The following ME1 variants were observed in gnomAD, a reference collection of about 807,000 sequenced individuals.
The protein encoded by ME1 is NADP-dependent malic enzyme.
Under a neutral mutation model 66.4 loss-of-function variants are expected in ME1, and 74 were observed. The observed-to-expected ratio is 1.11, with a 90% confidence interval of 0.92 to 1.35. ME1 has a LOEUF of 1.35. ME1 is among the 40% of genes most tolerant of loss of function. The probability of loss-of-function intolerance (pLI) is 0.00; values close to 1 mark genes in which losing one functional copy is unlikely to be tolerated. For synonymous variants in ME1, 251 were observed against 235.6 expected, an observed-to-expected ratio of 1.07 and a Z score of -0.60; for missense variants, 750 against 694.1, an observed-to-expected ratio of 1.08 and a Z score of -0.90.
chr6:83,223,629 T>G (rs756341489), intron 12 of ME1, 131 bp downstream of exon 12: 2 of 803,418 alleles, frequency 2.5e-6, no homozygotes, highest in Non-Finnish European at 3.9e-6. Flanking sequence ...TATACTCCAC[T>G]GGGAAGTTCT....
At chr6:83,352,796 C>T (rs1768826683) in intron 3 of ME1, among the ~76,000 whole-genome samples, 1 of 152,080 alleles carries the variant, frequency 6.6e-6, no homozygotes, top group Non-Finnish European at 1.5e-5. Flanking sequence ...ATGTAAATGC[C>T]TTATCCTCAT....
intron 6 of ME1, among the ~76,000 whole-genome samples, chr6:83,306,778 G>GA (rs752551505): frequency 1.3e-5 from 2 of 151,962 alleles, no homozygotes; most frequent in Non-Finnish European, 2.9e-5. Flanking sequence ...GGGATAGTCA[G>GA]AAAAAAGCAA....
chr6:83,401,390 G>T (rs2128551061), intron 2 of ME1, among the ~76,000 whole-genome samples: 1 of 152,152 alleles, frequency 6.6e-6, no homozygotes, highest in South Asian at 2.1e-4. Flanking sequence ...AGAGATCATT[G>T]TCTATAACCC....
intron 6 of ME1, among the ~76,000 whole-genome samples, chr6:83,255,050 G>C (rs1466111980): frequency 6.6e-6 from 1 of 151,984 alleles, no homozygotes; most frequent in Non-Finnish European, 1.5e-5. Flanking sequence ...CTGTAAGTTT[G>C]TTATTTCCCT....
At chr6:83,224,683 C>CAA (rs58210396) in intron 11 of ME1, among the ~76,000 whole-genome samples, 71 of 102,766 alleles carry the variant, frequency 6.9e-4, no homozygotes, top group South Asian at 1.0e-3. Flanking sequence ...GATTCCAGCT[C>CAA]AAAAAAAAAA....
intron 2 of ME1, among the ~76,000 whole-genome samples, chr6:83,399,897 CAA>C (rs1278149580): frequency 6.6e-6 from 1 of 152,082 alleles, no homozygotes; most frequent in Admixed American, 6.6e-5. Flanking sequence ...ATGTGGAAGA[CAA>C]AGAGTTTAAC....
At chr6:83,216,465 A>C (rs2128522499) in intron 13 of ME1, 33 bp downstream of exon 13, 1 of 1,425,770 alleles carries the variant, frequency 7.0e-7, no homozygotes, top group East Asian at 2.3e-5. Context: ...AAAGGAAGGA[A>C]AAATAATGAA....
chr6:83,422,194 C>G (rs762474159), intron 1 of ME1, among the ~76,000 whole-genome samples: 31 of 152,184 alleles, frequency 2.0e-4, no homozygotes, highest in Non-Finnish European at 4.4e-5. Context: ...GAGAAGTAAA[C>G]TATAGCATAG....
At chr6:83,304,121 G>A (rs1767781045) in intron 6 of ME1, among the ~76,000 whole-genome samples, 1 of 152,084 alleles carries the variant, frequency 6.6e-6, no homozygotes, top group Non-Finnish European at 1.5e-5. Flanking sequence ...AGGTACTACT[G>A]AAGGTACTAT....
chr6:83,333,908 C>A (rs2128542478), intron 5 of ME1, among the ~76,000 whole-genome samples: 1 of 152,308 alleles, frequency 6.6e-6, no homozygotes, highest in East Asian at 1.9e-4. Context: ...GTAACTATTT[C>A]TTTGCTTAGA....
intron 4 of ME1, among the ~76,000 whole-genome samples, chr6:83,347,971 T>C (rs531275057): frequency 1.5e-3 from 234 of 152,200 alleles, no homozygotes; most frequent in Non-Finnish European, 2.8e-3. Flanking sequence ...CATACCACAT[T>C]GCAGAATATA....
chr6:83,398,545 C>T (rs746283178), intron 2 of ME1, 29 bp from the exon 3 acceptor site: 10 of 1,300,082 alleles, frequency 7.7e-6, no homozygotes, highest in Non-Finnish European at 9.6e-6. Context: ...ATTAGATCTA[C>T]ATCCCATAAA....
chr6:83,340,254 C>G (rs1423213076), intron 5 of ME1, among the ~76,000 whole-genome samples: 1 of 152,018 alleles, frequency 6.6e-6, no homozygotes, highest in Non-Finnish European at 1.5e-5. Flanking sequence ...GTTATATCTC[C>G]TTTGTTTTAT....
intron 3 of ME1, among the ~76,000 whole-genome samples, chr6:83,390,832 A>G (rs1396430574): frequency 3.3e-5 from 5 of 151,592 alleles, no homozygotes. Flanking sequence ...CCTCTTCCCC[A>G]TTTCTTCCTC....
intron 6 of ME1, among the ~76,000 whole-genome samples, chr6:83,269,315 A>G (rs1144193): frequency 0.48 from 72,143 of 151,820 alleles, 18,767 homozygotes; most frequent in African/African-American, 0.7. Context: ...ATAATAAAGT[A>G]TATATGCAAG....
intron 7 of ME1, among the ~76,000 whole-genome samples, chr6:83,243,887 G>GTATATATATATA (rs370591861): frequency 8.6e-5 from 11 of 127,572 alleles, no homozygotes; most frequent in African/African-American, 3.0e-4. Context: ...ATGTGTGTGT[G>GTATATATATATA]TATATATATA....
At chr6:83,279,786 G>T (rs1266646407) in intron 6 of ME1, among the ~76,000 whole-genome samples, 1 of 152,090 alleles carries the variant, frequency 6.6e-6, no homozygotes, top group African/African-American at 2.4e-5. Flanking sequence ...GAAGCTCAAA[G>T]AACATCATGC....
chr6:83,412,791 A>C (rs535502435), intron 1 of ME1, among the ~76,000 whole-genome samples: 2 of 152,336 alleles, frequency 1.3e-5, no homozygotes, highest in East Asian at 3.9e-4. Flanking sequence ...AGTTATATGA[A>C]TAGAAAAAGA....
At chr6:83,350,250 A>G (rs1287017359) in intron 4 of ME1, among the ~76,000 whole-genome samples, 5 of 152,232 alleles carry the variant, frequency 3.3e-5, no homozygotes, top group Non-Finnish European at 4.4e-5. Context: ...AAAAGAGGGC[A>G]TAGTTAGGGA....
Sources: gnomAD v4.1 joint callset for allele counts (sites outside exome capture counted in the v4.1 genomes callset) on GRCh38, gnomAD v4.1.1 for gene constraint, MANE v1.5 for transcripts, NCBI Gene and HGNC (gene_info 2026-07-23, HGNC 2026-07-21) for gene names.